Variants in DAPK1 observed in about 807,000 individuals in gnomAD.
The protein encoded by DAPK1 is death-associated protein kinase 1.
DAPK1 carries 56 observed loss-of-function variants against 144.9 expected under a neutral mutation model. That is an observed-to-expected ratio of 0.39 (90% CI 0.31 to 0.48). The LOEUF (loss-of-function observed/expected upper bound fraction) is 0.48. Ranked by LOEUF, DAPK1 falls within the 20% of genes least tolerant of loss-of-function variation. The probability of loss-of-function intolerance (pLI) is 0.95; values close to 1 mark genes in which losing one functional copy is unlikely to be tolerated. For synonymous variants in DAPK1, 690 were observed against 749.0 expected, an observed-to-expected ratio of 0.92 and a Z score of 1.29; for missense variants, 1,454 against 1,875.4, an observed-to-expected ratio of 0.78 and a Z score of 4.15.
chr9:87,654,768 G>T (rs1288519976), intron 17 of DAPK1, among the ~76,000 whole-genome samples: 1 of 152,190 alleles, frequency 6.6e-6, no homozygotes, highest in African/African-American at 2.4e-5. Flanking sequence ...TCTACTATGT[G>T]TGCAGCATCT....
chr9:87,511,770 G>T (rs1824856289), intron 2 of DAPK1, among the ~76,000 whole-genome samples: 1 of 151,302 alleles, frequency 6.6e-6, no homozygotes, highest in Non-Finnish European at 1.5e-5. Flanking sequence ...GAGTGCAGTG[G>T]CGCGATCTCG....
intron 20 of DAPK1, among the ~76,000 whole-genome samples, chr9:87,684,226 G>C (rs947855158): frequency 6.6e-6 from 1 of 152,238 alleles, no homozygotes; most frequent in Non-Finnish European, 1.5e-5. Context: ...GCGTGGCTTT[G>C]TTAGACACCC....
At chr9:87,525,180 G>C (rs1166555976) in intron 2 of DAPK1, 7 of 728,330 alleles carry the variant, frequency 9.6e-6, no homozygotes, top group Non-Finnish European at 1.7e-5. Flanking sequence ...GTCTTCCTGT[G>C]TGTTTGGATG....
rs2378748 is a variant in DAPK1 at position 87,547,580 on chromosome 9, T to A, written c.62+48441T>A. Among the ~76,000 whole-genome samples, 126 of 34,394 alleles carry A rather than the reference T, an allele frequency of 3.7e-3. 1 individual carries two copies. Among genetic ancestry groups the A allele is most frequent in the African/African-American group, 5.4e-3 (25 of 4,600 alleles). The allele number at this position is 34,394 out of a possible 152,430, so 22.6% of individuals were successfully genotyped here. ...TAAGTGTGTGTGGAGAGAGAGAGAG[T>A]GTGTGTGTGTGTGTGTGTGTGTGTG... On this transcript the variant is annotated intron_variant, in intron 2 of 25. Coordinates refer to ENST00000408954, the MANE Select transcript of DAPK1 (RefSeq NM_004938.4).
chr9:87,694,514 T>G (rs1036482490), intron 21 of DAPK1, among the ~76,000 whole-genome samples: 14 of 152,186 alleles, frequency 9.2e-5, no homozygotes, highest in Non-Finnish European at 1.8e-4. Flanking sequence ...GCTCTGCTAC[T>G]GGGAAGAGTG....
At chr9:87,564,816 G>A (rs1477948240) in intron 2 of DAPK1, among the ~76,000 whole-genome samples, 2 of 152,092 alleles carry the variant, frequency 1.3e-5, no homozygotes, top group Admixed American at 6.5e-5. Context: ...GTTGCATTGG[G>A]GATTAAATTT....
At chr9:87,674,335 C>CA (rs955298610) in intron 19 of DAPK1, among the ~76,000 whole-genome samples, 20 of 151,078 alleles carry the variant, frequency 1.3e-4, no homozygotes, top group African/African-American at 4.1e-4. Context: ...CCCGTCTCTA[C>CA]AAAAAAAATT....
At position 87,651,481 on chromosome 9, in the gene DAPK1, C is replaced by T; in HGVS notation, c.1627-46C>T. 1.9e-6 allele frequency: 3 copies of T among 1,594,716 alleles called. No individual in the cohort carries two copies. In the African/African-American group the frequency reaches 4.0e-5, roughly 21 times the overall value. ...AGAAAAGGTGAAGAGACGGAGGCCA[C>T]ATGCCCAAGTGAAAAGCTCTCATGA... On this transcript the variant is annotated intron_variant, in intron 16 of 25. Coordinates refer to ENST00000408954, the MANE Select transcript of DAPK1 (RefSeq NM_004938.4).
rs377203962 is a variant in DAPK1, at chr9:87,557,005, C to T, written c.63-47949C>T. On this transcript the variant is annotated intron_variant, in intron 2 of 25. Coordinates refer to ENST00000408954, the MANE Select transcript of DAPK1 (RefSeq NM_004938.4). ...GGTGGGCAGTTGACCTTCGGCTTTC[C>T]CCTTGGCCTCTAGGGATTCATATCT... Among the ~76,000 whole-genome samples the T allele has an allele frequency of 4.8e-4, 73 of 152,242 alleles. No individual in the cohort carries two copies. In the East Asian group the frequency reaches 0.012, roughly 26 times the overall value.
intron 20 of DAPK1, among the ~76,000 whole-genome samples, chr9:87,682,835 G>C (rs3128480): frequency 0.47 from 70,704 of 151,896 alleles, 17,325 homozygotes; most frequent in East Asian, 0.73. Context: ...CTTCTCTGAG[G>C]CGCACAGGTG....
intron 4 of DAPK1, among the ~76,000 whole-genome samples, chr9:87,639,009 T>C (rs1314537950): frequency 1.3e-5 from 2 of 152,198 alleles, no homozygotes; most frequent in African/African-American, 2.4e-5. Context: ...CCTGCTACAA[T>C]TGGAATAACA....
chr9:87,707,109 T>G lies in DAPK1; in HGVS notation c.4038T>G (p.Ser1346Arg), dbSNP rs754841061. ...ACCTCGTGGCAAAGTACAACACCAG[T>G]AACGGGGCTCCCAAGGATTTCCTCC... Reference protein sequence around the residue: ...LPDLVAKYNTSNGAPKDFLPS... With the variant: ...LPDLVAKYNTRNGAPKDFLPS... Residue 1346 changes from serine (S) to arginine (R), a missense_variant, in exon 26 of 26, where the codon AGT becomes AGG. Ser to Arg is a moderately radical substitution (Grantham distance 110, BLOSUM62 -1). Coordinates refer to ENST00000408954, the MANE Select transcript of DAPK1 (RefSeq NM_004938.4). This position sits in a 1 kb window ranked among gnomAD's most constrained non-coding sequence, Gnocchi z 4.0. The G allele has an allele frequency of 1.9e-6, 3 of 1,613,920 alleles. No homozygotes were observed. The highest frequency in any genetic ancestry group is 3.3e-5 in the Admixed American group (2 of 60,002).
chr9:87,549,168 CT>C (rs1183774881), intron 2 of DAPK1, among the ~76,000 whole-genome samples: 1 of 152,114 alleles, frequency 6.6e-6, no homozygotes, highest in Non-Finnish European at 1.5e-5. Context: ...TCAGCTCCCA[CT>C]TACAAGTGAG....
chr9:87,620,920 A>G (rs548333787), intron 3 of DAPK1, among the ~76,000 whole-genome samples: 22 of 152,218 alleles, frequency 1.4e-4, no homozygotes, highest in Non-Finnish European at 1.0e-4. Context: ...GATTGGCCTA[A>G]TTATTTCTGT....
At chr9:87,512,133 C>G (rs1268277727) in intron 2 of DAPK1, among the ~76,000 whole-genome samples, 1 of 152,216 alleles carries the variant, frequency 6.6e-6, no homozygotes, top group Admixed American at 6.5e-5. Context: ...TCATAGCTCA[C>G]TGCAGCCCCA....
At chr9:87,694,597 G>C (rs1208040075) in intron 21 of DAPK1, among the ~76,000 whole-genome samples, 1 of 152,220 alleles carries the variant, frequency 6.6e-6, no homozygotes, top group Non-Finnish European at 1.5e-5. Context: ...TTTAGACTCA[G>C]TGGACACAGC....
At chr9:87,640,531 A>G (rs1830061193) in intron 8 of DAPK1, 81 bp downstream of exon 8, 1 of 1,454,936 alleles carries the variant, frequency 6.9e-7, no homozygotes, top group South Asian at 1.3e-5. Context: ...GCACAGGGCC[A>G]CGTTCCTCAG....
In DAPK1 at chr9:87,648,856, T is replaced by C. The variant is rs1034254502; in HGVS notation, c.1405T>C (p.Ser469Pro). ...GGCTCAGTTACTGTGCAGCTTCGGC[T>C]CAAATCCCAATATCCAGGACAAGGT... Reference protein sequence around the residue: ...DVAQLLCSFGSNPNIQDKEEE... With the variant: ...DVAQLLCSFGPNPNIQDKEEE... The change falls in exon 15 of 26, where the codon TCA becomes CCA. Residue 469 changes from serine to proline, a missense_variant. Ser to Pro is a moderately conservative substitution (Grantham distance 74). Transcript: ENST00000408954. The C allele has an allele frequency of 1.9e-6, 3 of 1,614,068 alleles. No individual in the cohort carries two copies. In the African/African-American group the frequency reaches 4.0e-5, roughly 22 times the overall value.
At chr9:87,651,880 C>A (rs878882829) in intron 17 of DAPK1, among the ~76,000 whole-genome samples, 156 bp downstream of exon 17, 1 of 135,860 alleles carries the variant, frequency 7.4e-6, no homozygotes, top group Admixed American at 7.2e-5. Flanking sequence ...CACCTGATCC[C>A]GGGTCCTGAT....
Sources: gnomAD v4.1 joint callset for allele counts (sites outside exome capture counted in the v4.1 genomes callset) on GRCh38, gnomAD v4.1.1 for gene constraint, Gnocchi (gnomAD v3.1) non-coding constraint, MANE v1.5 for transcripts, NCBI Gene and HGNC (gene_info 2026-07-23, HGNC 2026-07-21) for gene names.